Variants in DERA observed in about 807,000 individuals in gnomAD.
DERA encodes the protein deoxyribose-phosphate aldolase, also known as 2-deoxy-D-ribose 5-phosphate aldolase.
DERA carries 15 observed loss-of-function variants against 41.1 expected under a neutral mutation model. That is an observed-to-expected ratio of 0.37 (90% CI 0.24 to 0.56). DERA has a LOEUF of 0.56. Ranked by LOEUF, DERA falls within the 20% of genes least tolerant of loss-of-function variation. DERA has a pLI of 0.81. For synonymous variants in DERA, 139 were observed against 137.4 expected (o/e 1.01, Z -0.08); for missense variants, 396 against 403.4 (o/e 0.98, Z 0.16).
rs1382740082 is a variant in DERA, at chr12:16,020,375, C to G, written c.638-12167C>G. On this transcript the variant is annotated intron_variant, in intron 6 of 8. Coordinates refer to ENST00000428559, the MANE Select transcript of DERA (RefSeq NM_015954.4). The surrounding 1 kb of genome is among the most constrained non-coding windows in gnomAD (Gnocchi z 5.5). ...ACAGCACGAAAGGGGAAATCTACCC[C>G]CATGATCCAATCTCTTCCTACCAGA... 6.6e-6 allele frequency among the ~76,000 whole-genome samples: 1 copy of G among 152,116 alleles called. No homozygotes were observed. Among genetic ancestry groups the G allele is most frequent in the Non-Finnish European group, 1.5e-5 (1 of 68,022 alleles).
At position 15,954,863 on chromosome 12, in the gene DERA, T is replaced by C. The variant is rs1411582306; in HGVS notation, c.32-2073T>C. Among the ~76,000 whole-genome samples the C allele has an allele frequency of 6.6e-6, 1 of 152,188 alleles. No homozygotes were observed. The highest frequency in any genetic ancestry group is 1.5e-5 in the Non-Finnish European group (1 of 68,024). ...GCCTTGCCCCACTGAGTAATAGGCC[T>C]ACCTCTTTTTGATCACGGTCAACAA... On this transcript the variant is annotated intron_variant, in intron 1 of 8. Coordinates refer to ENST00000428559, the MANE Select transcript of DERA (RefSeq NM_015954.4). This position sits in a 1 kb window ranked among gnomAD's most constrained non-coding sequence, Gnocchi z 4.0.
intron 1 of DERA, among the ~76,000 whole-genome samples, chr12:15,926,437 G>T (rs1679472190): frequency 6.6e-6 from 1 of 152,078 alleles, no homozygotes; most frequent in Non-Finnish European, 1.5e-5. Flanking sequence ...TATGCAGTAG[G>T]CAAGAAACAA....
rs531153769 is a variant in DERA at position 15,941,940 on chromosome 12, T to C, written c.32-14996T>C. 6.6e-6 allele frequency among the ~76,000 whole-genome samples: 1 copy of C among 152,360 alleles called. No individual in the cohort carries two copies. Among genetic ancestry groups the C allele is most frequent in the Non-Finnish European group, 1.5e-5 (1 of 68,028 alleles). On this transcript the variant is annotated intron_variant, in intron 1 of 8. Transcript: ENST00000428559. This position sits in a 1 kb window ranked among gnomAD's most constrained non-coding sequence, Gnocchi z 4.5. The stretch of plus-strand genomic sequence containing the variant: ...TAAGTTCTTTAAGGAATCCCCGTAC[T>C]GTTTTCTGTAGTGGTTGTACTAATT...
At position 16,012,749 on chromosome 12, in the gene DERA, T is replaced by A. The variant is rs749707705; in HGVS notation, c.638-19793T>A. The stretch of plus-strand genomic sequence containing the variant: ...AGTGATTACATGTTTTGGTGTCTCA[T>A]TGAAGCTCTGTAAAAATGCTGTTGA... On this transcript the variant is annotated intron_variant, in intron 6 of 8. Transcript: ENST00000428559. The surrounding 1 kb of genome is among the most constrained non-coding windows in gnomAD (Gnocchi z 4.1). Among the ~76,000 whole-genome samples, 5 of 152,220 alleles carry A rather than the reference T, an allele frequency of 3.3e-5. No individual in the cohort carries two copies. Among genetic ancestry groups the A allele is most frequent in the African/African-American group, 1.2e-4 (5 of 41,468 alleles).
chr12:16,029,108 G>C (rs1014965164), intron 6 of DERA, among the ~76,000 whole-genome samples: 11 of 152,126 alleles, frequency 7.2e-5, no homozygotes, highest in African/African-American at 2.4e-4. Flanking sequence ...TCTGTATATT[G>C]AATTTTGTTC....
chr12:15,996,435 T>C lies in DERA; in HGVS notation c.637+13999T>C, dbSNP rs1948838383. ...CCTTCTTGCTTATTCTGGCTTCTGG[T>C]GTTTGCCAGCAATGCTTGACATACC... On this transcript the variant is annotated intron_variant, in intron 6 of 8. Transcript: ENST00000428559. The surrounding 1 kb of genome is among the most constrained non-coding windows in gnomAD (Gnocchi z 4.7). Among the ~76,000 whole-genome samples, 1 of 152,136 alleles carries C rather than the reference T, an allele frequency of 6.6e-6. No homozygotes were observed. The highest frequency in any genetic ancestry group is 1.5e-5 in the Non-Finnish European group (1 of 68,008).
chr12:15,912,512 GT>G (rs1341980364), intron 1 of DERA, among the ~76,000 whole-genome samples: 1 of 152,178 alleles, frequency 6.6e-6, no homozygotes, highest in African/African-American at 2.4e-5. Context: ...TCTTACCTGT[GT>G]GACTTCGGAC....
chr12:15,993,520 A>G lies in DERA; in HGVS notation c.637+11084A>G, dbSNP rs1480224575. The stretch of plus-strand genomic sequence containing the variant: ...TAAAAAAAATAAGATCTTGCCTTTC[A>G]TAGGAAAAAGCATTTAATTTATGAA... On this transcript the variant is annotated intron_variant, in intron 6 of 8. Coordinates refer to ENST00000428559, the MANE Select transcript of DERA (RefSeq NM_015954.4). This position sits in a 1 kb window ranked among gnomAD's most constrained non-coding sequence, Gnocchi z 4.4. Among the ~76,000 whole-genome samples, 2 of 148,506 alleles carry G rather than the reference A, an allele frequency of 1.3e-5. No individual in the cohort carries two copies. Among genetic ancestry groups the G allele is most frequent in the African/African-American group, 5.0e-5 (2 of 40,326 alleles).
Position 16,036,659 on chromosome 12 carries a change from AT to A in DERA, c.901-29del. On this transcript the variant is annotated intron_variant, in intron 8 of 8. Transcript: ENST00000428559. The surrounding 1 kb of genome is among the most constrained non-coding windows in gnomAD (Gnocchi z 4.9). ...AACTGATGTGTATAATTATAGAATGATTGTTAATTAAACTCTGCTTTTCCTC... is the reference window on the plus strand; with the variant it reads ...AACTGATGTGTATAATTATAGAATGATGTTAATTAAACTCTGCTTTTCCTC... 6.7e-7 allele frequency: 1 copy of A among 1,496,834 alleles called. No homozygotes were observed. The highest frequency in any genetic ancestry group is 9.2e-7 in the Non-Finnish European group (1 of 1,082,688). The allele number at this position is 1,496,834 out of a possible 1,614,324, so 92.7% of individuals were successfully genotyped here. A position where few individuals can be genotyped will look rare whatever the true frequency, so the allele number is the denominator to read the frequency against.
chr12:15,916,776 T>C (rs1001185243), intron 1 of DERA, among the ~76,000 whole-genome samples: 3 of 152,134 alleles, frequency 2.0e-5, no homozygotes, highest in African/African-American at 7.2e-5. Flanking sequence ...ATGTATTCTT[T>C]TAAAAAATGT....
chr12:15,929,166 C>G (rs145885239), intron 1 of DERA, among the ~76,000 whole-genome samples: 124 of 152,294 alleles, frequency 8.1e-4, no homozygotes, highest in Non-Finnish European at 1.4e-3. Context: ...CAGAGCTAAC[C>G]CACACTAACT....
intron 1 of DERA, among the ~76,000 whole-genome samples, chr12:15,930,319 G>A (rs750780751): frequency 1.2e-4 from 19 of 152,174 alleles, no homozygotes; most frequent in Non-Finnish European, 2.5e-4. Flanking sequence ...AACTAGACAC[G>A]TATTCAATAC....
Position 15,996,157 on chromosome 12 carries a change from ATGTGTGTGTG to A in DERA, c.637+13747_637+13756del, listed in dbSNP as rs34468299. Among the ~76,000 whole-genome samples the A allele has an allele frequency of 1.4e-4, 20 of 145,122 alleles. No homozygotes were observed. Among genetic ancestry groups the A allele is most frequent in the East Asian group, 4.2e-4 (2 of 4,798 alleles). ...GCAGACACAGACACACACACAGAGC[ATGTGTGTGTG>A]TGTGTGTGTGTGTGTGTGTGTGTGT... On this transcript the variant is annotated intron_variant, in intron 6 of 8. Transcript: ENST00000428559. The surrounding 1 kb of genome is among the most constrained non-coding windows in gnomAD (Gnocchi z 4.7).
rs1002982771 is a variant in DERA, at chr12:15,995,987, C to T, written c.637+13551C>T. On this transcript the variant is annotated intron_variant, in intron 6 of 8. Coordinates refer to ENST00000428559, the MANE Select transcript of DERA (RefSeq NM_015954.4). The surrounding 1 kb of genome is among the most constrained non-coding windows in gnomAD (Gnocchi z 5.1). ...GTCTGAATCACCTGGAAATTGGGTGCGCCACATCAGGAGGTAGGAGACGTT... is the reference window on the plus strand; with the variant it reads ...GTCTGAATCACCTGGAAATTGGGTGTGCCACATCAGGAGGTAGGAGACGTT... 4.6e-5 allele frequency among the ~76,000 whole-genome samples: 7 copies of T among 152,034 alleles called. No homozygotes were observed. Among genetic ancestry groups the T allele is most frequent in the African/African-American group, 7.2e-5 (3 of 41,400 alleles).
rs376997643 is a variant in DERA, at chr12:15,978,494, A to G, written c.509-3814A>G. On this transcript the variant is annotated intron_variant, in intron 5 of 8. Coordinates refer to ENST00000428559, the MANE Select transcript of DERA (RefSeq NM_015954.4). ...GCAACATATATTATTTAATCATCAC[A>G]AAAATATGTGAGCAAACTGAGCCTC... Among the ~76,000 whole-genome samples the G allele has an allele frequency of 2.8e-4, 42 of 152,318 alleles. No individual in the cohort carries two copies. In the South Asian group the frequency reaches 6.2e-3, roughly 23 times the overall value.
intron 5 of DERA, among the ~76,000 whole-genome samples, chr12:15,963,684 T>C (rs958502023): frequency 2.0e-5 from 3 of 152,178 alleles, no homozygotes; most frequent in African/African-American, 7.2e-5. Context: ...TTTAATGAAA[T>C]CACAAGTTAA....
Position 15,918,380 on chromosome 12 carries a change from C to T in DERA, c.31+6966C>T, listed in dbSNP as rs1454185989. On this transcript the variant is annotated intron_variant, in intron 1 of 8. Coordinates refer to ENST00000428559, the MANE Select transcript of DERA (RefSeq NM_015954.4). This position sits in a 1 kb window ranked among gnomAD's most constrained non-coding sequence, Gnocchi z 4.3. ...TGCTCCCGCTTTGTGCAGATCCCCT[C>T]CTTGTTCTGATTGGACTCTGGGCTA... 6.6e-6 allele frequency among the ~76,000 whole-genome samples: 1 copy of T among 152,100 alleles called. No individual in the cohort carries two copies. The highest frequency in any genetic ancestry group is 1.5e-5 in the Non-Finnish European group (1 of 68,008).
In DERA at chr12:15,913,380, G is replaced by C. The variant is rs1318183668; in HGVS notation, c.31+1966G>C. Among the ~76,000 whole-genome samples, 1 of 152,048 alleles carries C rather than the reference G, an allele frequency of 6.6e-6. No homozygotes were observed. Among genetic ancestry groups the C allele is most frequent in the African/African-American group, 2.4e-5 (1 of 41,384 alleles). On this transcript the variant is annotated intron_variant, in intron 1 of 8. Transcript: ENST00000428559. The surrounding 1 kb of genome is among the most constrained non-coding windows in gnomAD (Gnocchi z 4.5). ...GGTTTAAACTGAAATGCTAAAATAAGTTATTTGAATTAGGTACTAGGGAAA... is the reference window on the plus strand; with the variant it reads ...GGTTTAAACTGAAATGCTAAAATAACTTATTTGAATTAGGTACTAGGGAAA...
At chr12:15,980,218 G>A (rs1948723970) in intron 5 of DERA, among the ~76,000 whole-genome samples, 1 of 152,346 alleles carries the variant, frequency 6.6e-6, no homozygotes, top group Non-Finnish European at 1.5e-5. Flanking sequence ...TGGTAACCCT[G>A]TAAAGTAAAT....
Sources: allele counts gnomAD v4.1 joint callset (sites outside exome capture counted in the v4.1 genomes callset), GRCh38; gene constraint gnomAD v4.1.1; non-coding constraint Gnocchi (gnomAD v3.1); transcripts MANE v1.5; gene names NCBI Gene and HGNC (gene_info 2026-07-23, HGNC 2026-07-21).